NUP98: variants seen among roughly 807,000 people sequenced by gnomAD.
The protein encoded by NUP98 is nucleoporin 98 and 96 precursor, also known as nuclear pore complex protein Nup98-Nup96.
In NUP98, 26 loss-of-function variants were observed where a neutral mutation model predicts 191.9. That is an observed-to-expected ratio of 0.14 (90% CI 0.10 to 0.19). The LOEUF (loss-of-function observed/expected upper bound fraction) is 0.19. Among genes scored for constraint, NUP98 ranks in the 10% least tolerant of loss-of-function variants. NUP98 has a pLI of 1.00. For synonymous variants in NUP98, 808 were observed against 778.4 expected (o/e 1.04, Z -0.63); for missense variants, 1,941 against 2,178.8 (o/e 0.89, Z 2.17).
At position 3,797,515 on chromosome 11, in the gene NUP98, G is replaced by C. The variant is rs367949661; in HGVS notation, c.-144C>G. ...CGCCGCCGCTACCACCCCTGCCACCGACCGCCGCTTCGGGCGCAGCGCGCA... is the reference window on the plus strand; with the variant it reads ...CGCCGCCGCTACCACCCCTGCCACCCACCGCCGCTTCGGGCGCAGCGCGCA... On this transcript the variant is annotated 5_prime_UTR_variant, in exon 1 of 33. Coordinates refer to ENST00000324932, the MANE Select transcript of NUP98 (RefSeq NM_016320.5). The C allele has an allele frequency of 2.3e-6, 1 of 440,784 alleles. No homozygotes were observed. Among genetic ancestry groups the C allele is most frequent in the Non-Finnish European group, 4.0e-6 (1 of 250,846 alleles). The allele number at this position is 440,784 out of a possible 1,614,324, so 27.3% of individuals were successfully genotyped here.
chr11:3,788,115 C>T (rs913997211), intron 1 of NUP98, among the ~76,000 whole-genome samples: 1 of 152,130 alleles, frequency 6.6e-6, no homozygotes, highest in African/African-American at 2.4e-5. Context: ...AGTGTTTTAC[C>T]TGTCTGCTGC....
chr11:3,699,392 C>A, intron 24 of NUP98, 44 bp from the exon 25 acceptor site: 2 of 1,601,652 alleles, frequency 1.2e-6, no homozygotes, highest in Non-Finnish European at 8.5e-7. Flanking sequence ...CAAAGTCTTA[C>A]AACAACTTCA....
intron 14 of NUP98, among the ~76,000 whole-genome samples, chr11:3,728,304 T>A (rs115921595): frequency 1.3e-5 from 2 of 152,304 alleles, no homozygotes; most frequent in African/African-American, 4.8e-5. Context: ...ATGTAAGCAC[T>A]TTGGTCCTTA....
At chr11:3,744,280 T>G (rs1042814877) in intron 12 of NUP98, among the ~76,000 whole-genome samples, 1 of 152,144 alleles carries the variant, frequency 6.6e-6, no homozygotes, top group African/African-American at 2.4e-5. Context: ...ATATATCAGA[T>G]GAATTAAAAA....
intron 31 of NUP98, 104 bp downstream of exon 31, chr11:3,679,450 C>G: frequency 7.8e-7 from 1 of 1,288,530 alleles, no homozygotes; most frequent in Non-Finnish European, 1.1e-6. Flanking sequence ...AGTGCTATCT[C>G]TGTCAGTGCA....
intron 7 of NUP98, among the ~76,000 whole-genome samples, chr11:3,771,020 G>A (rs1011130607): frequency 2.0e-5 from 3 of 152,048 alleles, no homozygotes; most frequent in East Asian, 1.9e-4. Context: ...TTGTCACCAC[G>A]CCTGGCTAAT....
chr11:3,712,358 C>T, intron 20 of NUP98: 1 of 1,375,296 alleles, frequency 7.3e-7, no homozygotes, highest in Non-Finnish European at 9.4e-7. Context: ...ATCCAAACAG[C>T]AAGAGAATTC....
intron 25 of NUP98, among the ~76,000 whole-genome samples, chr11:3,698,725 CAAA>C (rs549214359): frequency 2.2e-4 from 8 of 35,750 alleles, no homozygotes; most frequent in Admixed American, 1.4e-3. Flanking sequence ...GAAACTGTCT[CAAA>C]AAAAAAAAAA....
At chr11:3,751,013 C>A (rs560281704) in intron 11 of NUP98, among the ~76,000 whole-genome samples, 6 of 152,220 alleles carry the variant, frequency 3.9e-5, no homozygotes, top group Non-Finnish European at 8.8e-5. Context: ...AACTAATGCA[C>A]CTCAGTCTCT....
At chr11:3,784,920 T>TGAGACCAGGAGTTC (rs1352011437) in intron 1 of NUP98, among the ~76,000 whole-genome samples, 74 of 152,200 alleles carry the variant, frequency 4.9e-4, no homozygotes, top group Non-Finnish European at 6.6e-4. Flanking sequence ...GCAGATCACC[T>TGAGACCAGGAGTTC]GAGACCAGGA....
Position 3,684,651 on chromosome 11 carries a change from A to G in NUP98, c.4677-1210T>C, listed in dbSNP as rs992839329. Among the ~76,000 whole-genome samples the G allele has an allele frequency of 6.6e-5, 10 of 152,262 alleles. No individual in the cohort carries two copies. In the East Asian group the frequency reaches 1.7e-3, roughly 26 times the overall value. On this transcript the variant is annotated intron_variant, in intron 29 of 32. Transcript: ENST00000324932. ...GGGGAAGAAGAAAGAGAAACTGCTTAAAGAAAGAGAAATTGCTTAAGTCTT... is the reference window on the plus strand; with the variant it reads ...GGGGAAGAAGAAAGAGAAACTGCTTGAAGAAAGAGAAATTGCTTAAGTCTT...
At chr11:3,743,638 C>A (rs2134371880) in intron 12 of NUP98, among the ~76,000 whole-genome samples, 1 of 134,558 alleles carries the variant, frequency 7.4e-6, no homozygotes, top group East Asian at 2.1e-4. Flanking sequence ...CAGAGTGAAA[C>A]TCCATCTCAA....
intron 1 of NUP98, among the ~76,000 whole-genome samples, chr11:3,794,494 A>T (rs1217863420): frequency 6.6e-6 from 1 of 151,406 alleles, no homozygotes; most frequent in African/African-American, 2.4e-5. Context: ...CTAATTTTTC[A>T]TATTTTTTTT....
intron 8 of NUP98, among the ~76,000 whole-genome samples, chr11:3,766,103 AGC>A (rs2081329547): frequency 6.6e-6 from 1 of 152,156 alleles, no homozygotes; most frequent in African/African-American, 2.4e-5. Flanking sequence ...AGCCAGGTAC[AGC>A]TGCTCACACC....
Position 3,686,039 on chromosome 11 carries a change from C to T in NUP98, c.4610G>A (p.Gly1537Asp), listed in dbSNP as rs1053388274. 6.2e-7 allele frequency: 1 copy of T among 1,614,202 alleles called. No homozygotes were observed. Among genetic ancestry groups the T allele is most frequent in the Non-Finnish European group, 8.5e-7 (1 of 1,180,040 alleles). ...CEGVLQASYA[G>D]QLESEGLWEW... ...CCAGAGCCCCTCACTTTCAAGCTGG[C>T]CAGCGTAACTGGCCTGTAGCACACC... Residue 1537 changes from glycine (G) to aspartate (D), a missense_variant, in exon 29 of 33, where the codon GGC (glycine) becomes GAC (aspartate). By Grantham distance (94) the Gly-to-Asp change is moderately conservative. This residue lies in a region of NUP98 where 1,030 missense variants were observed against 1,115.8 expected (regional missense o/e 0.92). Coordinates refer to ENST00000324932, the MANE Select transcript of NUP98 (RefSeq NM_016320.5).
At chr11:3,737,242 C>G (rs546324340) in intron 12 of NUP98, among the ~76,000 whole-genome samples, 23 of 148,768 alleles carry the variant, frequency 1.5e-4, no homozygotes, top group African/African-American at 4.2e-4. Flanking sequence ...CAATAATCCA[C>G]AGTAAAGGAG....
intron 9 of NUP98, among the ~76,000 whole-genome samples, chr11:3,761,265 C>T (rs2081157095): frequency 6.6e-6 from 1 of 152,164 alleles, no homozygotes; most frequent in Non-Finnish European, 1.5e-5. Flanking sequence ...CTAAAAATCA[C>T]CTAGCTATAC....
Position 3,699,784 on chromosome 11 carries a change from C to T in NUP98, c.3743-436G>A, listed in dbSNP as rs368203088. ...GAGACGATTAAGTAAATACAAAGAACTGAAGGAACATAAACAAATCTCAAA... is the reference window on the plus strand; with the variant it reads ...GAGACGATTAAGTAAATACAAAGAATTGAAGGAACATAAACAAATCTCAAA... On this transcript the variant is annotated intron_variant, in intron 24 of 32. Transcript: ENST00000324932. 7.2e-5 allele frequency among the ~76,000 whole-genome samples: 11 copies of T among 152,170 alleles called. No individual in the cohort carries two copies. The East Asian group carries it at 1.5e-3, about 21-fold the overall frequency.
At chr11:3,773,460 T>C (rs1033900443) in intron 6 of NUP98, among the ~76,000 whole-genome samples, 172 bp downstream of exon 6, 5 of 152,076 alleles carry the variant, frequency 3.3e-5, no homozygotes, top group African/African-American at 7.3e-5. Flanking sequence ...CCTAAACAAG[T>C]AGATATCTAT....
Sources: gnomAD v4.1 joint callset for allele counts (sites outside exome capture counted in the v4.1 genomes callset) on GRCh38, gnomAD v4.1.1 for gene constraint, gnomAD v4.1.1 regional missense constraint, MANE v1.5 for transcripts, NCBI Gene and HGNC (gene_info 2026-07-23, HGNC 2026-07-21) for gene names.